Variants in GLIS1 observed in about 807,000 individuals in gnomAD.
The protein encoded by GLIS1 is GLIS family zinc finger 1.
In GLIS1, 24 loss-of-function variants were observed where a neutral mutation model predicts 63.8. The observed-to-expected ratio is 0.38, with a 90% CI of 0.27 to 0.53. GLIS1 has a LOEUF of 0.53. GLIS1 is among the 20% of genes least tolerant of loss of function. The pLI is 0.85. For synonymous variants in GLIS1, 450 were observed against 482.5 expected, an observed-to-expected ratio of 0.93 and a Z score of 0.88; for missense variants, 1,036 against 1,074.1, an observed-to-expected ratio of 0.96 and a Z score of 0.50.
At chr1:53,604,018 A>G (rs1557476324) in intron 2 of GLIS1, among the ~76,000 whole-genome samples, 1 of 152,250 alleles carries the variant, frequency 6.6e-6, no homozygotes, top group Admixed American at 6.5e-5. Flanking sequence ...TTTCTCATCA[A>G]GCCTCAATGT....
chr1:53,672,145 G>A (rs534349215), intron 2 of GLIS1, among the ~76,000 whole-genome samples: 29 of 152,274 alleles, frequency 1.9e-4, no homozygotes, highest in Admixed American at 4.6e-4. Flanking sequence ...CCATTCTTCC[G>A]ATCCAGGTGC....
At chr1:53,634,016 A>G (rs1645698078) in intron 2 of GLIS1, among the ~76,000 whole-genome samples, 2 of 152,204 alleles carry the variant, frequency 1.3e-5, no homozygotes, top group African/African-American at 4.8e-5. Flanking sequence ...GGATTTATCA[A>G]CAAATCAGTT....
At chr1:53,628,160 C>G (rs1031204003) in intron 2 of GLIS1, among the ~76,000 whole-genome samples, 4 of 151,970 alleles carry the variant, frequency 2.6e-5, no homozygotes, top group Admixed American at 6.6e-5. Flanking sequence ...CTTGCTGTGC[C>G]TTGCTGTACC....
chr1:53,692,911 A>G (rs1402353410), intron 2 of GLIS1, among the ~76,000 whole-genome samples: 2 of 152,218 alleles, frequency 1.3e-5, no homozygotes, highest in African/African-American at 2.4e-5. Context: ...CACTGGCTGG[A>G]CTGGCCTCTC....
chr1:53,519,236 C>T (rs984931114), intron 7 of GLIS1, among the ~76,000 whole-genome samples: 1 of 152,174 alleles, frequency 6.6e-6, no homozygotes, highest in Admixed American at 6.5e-5. Flanking sequence ...TCTAGCTAGA[C>T]GTGAGGAGGG....
At chr1:53,733,147 A>T (rs1429197153) in intron 2 of GLIS1, among the ~76,000 whole-genome samples, 1 of 152,220 alleles carries the variant, frequency 6.6e-6, no homozygotes, top group Non-Finnish European at 1.5e-5. Context: ...GAACATAAGA[A>T]TATATTTTTT....
At chr1:53,596,294 G>A (rs182740199) in intron 3 of GLIS1, among the ~76,000 whole-genome samples, 1 of 152,236 alleles carries the variant, frequency 6.6e-6, no homozygotes, top group Non-Finnish European at 1.5e-5. Flanking sequence ...GTAAGGTGCA[G>A]AGAGAGACGG....
chr1:53,735,265 G>C (rs1438081374), intron 2 of GLIS1, among the ~76,000 whole-genome samples: 1 of 152,172 alleles, frequency 6.6e-6, no homozygotes, highest in African/African-American at 2.4e-5. Context: ...ATGTAACCTT[G>C]CTTCCTTCTC....
rs535098570 is a variant in GLIS1 at position 53,661,627 on chromosome 1, T to C, written c.260-61349A>G. On this transcript the variant is annotated intron_variant, in intron 2 of 10. Coordinates refer to ENST00000628545, the MANE Select transcript of GLIS1 (RefSeq NM_001367484.1). The stretch of plus-strand genomic sequence containing the variant: ...CCTGAAGGCCTGATTCGAGGAGGCC[T>C]AGAAAGGCGCTGACTCCTTAAGGTC... Among the ~76,000 whole-genome samples the C allele has an allele frequency of 3.5e-4, 54 of 152,198 alleles. 1 individual carries two copies. The highest frequency in any genetic ancestry group is 1.3e-3 in the African/African-American group (54 of 41,536).
At chr1:53,586,134 G>C (rs1645132254) in intron 4 of GLIS1, among the ~76,000 whole-genome samples, 2 of 152,204 alleles carry the variant, frequency 1.3e-5, no homozygotes, top group South Asian at 4.1e-4. Flanking sequence ...GAACTGGAAG[G>C]ACACTGGCTT....
intron 2 of GLIS1, among the ~76,000 whole-genome samples, chr1:53,721,610 G>A (rs570147595): frequency 1.3e-5 from 2 of 152,326 alleles, no homozygotes; most frequent in Admixed American, 1.3e-4. Flanking sequence ...CTGCCTCTCT[G>A]GAGTGCGACA....
rs997928795 is a variant in GLIS1 at position 53,598,367 on chromosome 1, A to C, written c.437+1734T>G. Among the ~76,000 whole-genome samples, 30 of 151,912 alleles carry C rather than the reference A, an allele frequency of 2.0e-4. No homozygotes were observed. The highest frequency in any genetic ancestry group is 6.8e-4 in the African/African-American group (28 of 41,344). On this transcript the variant is annotated intron_variant, in intron 3 of 10. Coordinates refer to ENST00000628545, the MANE Select transcript of GLIS1 (RefSeq NM_001367484.1). This position sits in a 1 kb window ranked among gnomAD's most constrained non-coding sequence, Gnocchi z 4.6. ...AGACCAGCCCGGCCAACATGGTGAA[A>C]CCCCGTCTCTATAAAAAATTAGCCA... is the stretch of plus-strand genomic sequence containing the variant.
chr1:53,625,271 AT>A (rs778983129), intron 2 of GLIS1, among the ~76,000 whole-genome samples: 9 of 152,242 alleles, frequency 5.9e-5, no homozygotes, highest in Non-Finnish European at 1.3e-4. Flanking sequence ...GGGCAAGAAC[AT>A]CAAAAGTGCA....
At chr1:53,708,906 C>G (rs2100515532) in intron 2 of GLIS1, among the ~76,000 whole-genome samples, 1 of 152,296 alleles carries the variant, frequency 6.6e-6, no homozygotes, top group Non-Finnish European at 1.5e-5. Context: ...ACCCAGCACA[C>G]AAGGGGCACT....
At chr1:53,677,787 C>G (rs1646229768) in intron 2 of GLIS1, among the ~76,000 whole-genome samples, 1 of 152,232 alleles carries the variant, frequency 6.6e-6, no homozygotes, top group Admixed American at 6.5e-5. Flanking sequence ...GTCATCACCT[C>G]AAGAACTGCC....
At chr1:53,647,061 T>G (rs1245563677) in intron 2 of GLIS1, among the ~76,000 whole-genome samples, 12 of 152,150 alleles carry the variant, frequency 7.9e-5, no homozygotes, top group African/African-American at 2.7e-4. Context: ...AATTGAGAGA[T>G]AAGCCATATT....
chr1:53,692,562 GA>G (rs1356552824), intron 2 of GLIS1, among the ~76,000 whole-genome samples: 1 of 152,250 alleles, frequency 6.6e-6, no homozygotes, highest in Non-Finnish European at 1.5e-5. Flanking sequence ...CCCTGATTTA[GA>G]GTTTGGGGTT....
chr1:53,517,236 G>A (rs992226821), intron 7 of GLIS1, among the ~76,000 whole-genome samples: 1 of 152,094 alleles, frequency 6.6e-6, no homozygotes, highest in African/African-American at 2.4e-5. Flanking sequence ...TGAGGCCTCG[G>A]CTCTGGTGCA....
chr1:53,592,098 AG>A (rs1235491519), intron 4 of GLIS1, among the ~76,000 whole-genome samples: 30 of 152,194 alleles, frequency 2.0e-4, no homozygotes, highest in Admixed American at 2.0e-3. Flanking sequence ...AGCCAGTGTA[AG>A]CCAGTGTCCT....
Sources: allele counts gnomAD v4.1 joint callset (sites outside exome capture counted in the v4.1 genomes callset), GRCh38; gene constraint gnomAD v4.1.1; non-coding constraint Gnocchi (gnomAD v3.1); transcripts MANE v1.5; gene names NCBI Gene and HGNC (gene_info 2026-07-23, HGNC 2026-07-21).